Variants in IMMP2L observed in about 807,000 individuals in gnomAD.
IMMP2L encodes mitochondrial inner membrane protease subunit 2.
Under a neutral mutation model 19.3 loss-of-function variants are expected in IMMP2L, and 18 were observed. The ratio of observed to expected loss-of-function variants is 0.93; its 90% CI spans 0.64 to 1.38. The LOEUF (loss-of-function observed/expected upper bound fraction) is 1.38, where lower values mean the gene tolerates loss of function less well. IMMP2L is among the 40% of genes most tolerant of loss of function. IMMP2L has a pLI of 0.00. For missense variants in IMMP2L, 233 were observed against 218.2 expected (o/e 1.07, Z -0.43); for synonymous variants, 76 against 73.0 (o/e 1.04, Z -0.21).
intron 3 of IMMP2L, among the ~76,000 whole-genome samples, chr7:111,053,335 T>C (rs1793171905): frequency 2.6e-5 from 4 of 152,308 alleles, no homozygotes; most frequent in African/African-American, 9.6e-5. Flanking sequence ...GGGGAGCATG[T>C]GCAGTGTGTT....
At chr7:111,398,390 C>T (rs1833079359) in intron 3 of IMMP2L, among the ~76,000 whole-genome samples, 1 of 152,032 alleles carries the variant, frequency 6.6e-6, no homozygotes, top group Non-Finnish European at 1.5e-5. Flanking sequence ...ATGATCATCT[C>T]AGTAGGTAAG....
intron 2 of IMMP2L, among the ~76,000 whole-genome samples, chr7:111,504,949 A>C (rs1844722425): frequency 6.6e-6 from 1 of 152,080 alleles, no homozygotes; most frequent in Non-Finnish European, 1.5e-5. Flanking sequence ...AAGCAATGGC[A>C]ACAAAAGCCA....
chr7:111,276,080 G>A (rs150924641), intron 3 of IMMP2L, among the ~76,000 whole-genome samples: 15 of 152,050 alleles, frequency 9.9e-5, no homozygotes, highest in African/African-American at 3.6e-4. Context: ...TCAGCTGTGG[G>A]TTTGTCTTAT....
chr7:111,118,955 A>AT (rs1800240735), intron 3 of IMMP2L, among the ~76,000 whole-genome samples: 1 of 152,306 alleles, frequency 6.6e-6, no homozygotes, highest in Non-Finnish European at 1.5e-5. Flanking sequence ...AAATGATGAA[A>AT]TAAGAAAACA....
intron 3 of IMMP2L, among the ~76,000 whole-genome samples, chr7:111,005,173 A>T (rs575393339): frequency 6.6e-6 from 1 of 152,284 alleles, no homozygotes; most frequent in Admixed American, 6.5e-5. Context: ...GGTTTCCAAG[A>T]TGGTGGTTCG....
At chr7:111,135,545 C>T (rs575462578) in intron 3 of IMMP2L, among the ~76,000 whole-genome samples, 23 of 152,222 alleles carry the variant, frequency 1.5e-4, no homozygotes, top group Non-Finnish European at 2.4e-4. Flanking sequence ...ACTCTGGCTT[C>T]AGAAAATAAT....
At chr7:111,120,162 T>C (rs539717160) in intron 3 of IMMP2L, among the ~76,000 whole-genome samples, 2 of 152,310 alleles carry the variant, frequency 1.3e-5, no homozygotes, top group East Asian at 1.9e-4. Flanking sequence ...GACACTGGTA[T>C]AGATTTAAAA....
In IMMP2L at chr7:111,399,303, A is replaced by C. The variant is rs753234309; in HGVS notation, c.239+87935T>G. Among the ~76,000 whole-genome samples the C allele has an allele frequency of 2.6e-5, 4 of 152,160 alleles. 1 individual carries two copies. Among genetic ancestry groups the C allele is most frequent in the Admixed American group, 1.3e-4 (2 of 15,268 alleles). On this transcript the variant is annotated intron_variant, in intron 3 of 5. Coordinates refer to ENST00000405709, the MANE Select transcript of IMMP2L (RefSeq NM_032549.4). ...ATAGGCACATAGACCAATGGAACAC[A>C]ATAGAGAACCCAGAAATAAACCCAA...
chr7:111,172,568 GTGCT>G (rs1806570395), intron 3 of IMMP2L, among the ~76,000 whole-genome samples: 1 of 151,226 alleles, frequency 6.6e-6, no homozygotes, highest in South Asian at 2.1e-4. Flanking sequence ...TCACCCTATC[GTGCT>G]AGGGAACACT....
At chr7:111,276,279 C>T (rs1448318176) in intron 3 of IMMP2L, among the ~76,000 whole-genome samples, 1 of 152,072 alleles carries the variant, frequency 6.6e-6, no homozygotes, top group Non-Finnish European at 1.5e-5. Flanking sequence ...AGCATCCTTG[C>T]ATCCTTGAGA....
intron 5 of IMMP2L, among the ~76,000 whole-genome samples, chr7:110,721,044 G>C (rs1013106489): frequency 1.4e-5 from 2 of 142,808 alleles, no homozygotes; most frequent in African/African-American, 5.3e-5. Flanking sequence ...GTATATGCCT[G>C]TTATACAAAA....
At chr7:111,153,366 G>C (rs1286793324) in intron 3 of IMMP2L, among the ~76,000 whole-genome samples, 1 of 152,068 alleles carries the variant, frequency 6.6e-6, no homozygotes, top group African/African-American at 2.4e-5. Context: ...CATAGAATCA[G>C]AACAGTGCAG....
chr7:110,845,328 T>C (rs781206201), intron 5 of IMMP2L, among the ~76,000 whole-genome samples: 3 of 152,124 alleles, frequency 2.0e-5, no homozygotes, highest in Non-Finnish European at 4.4e-5. Context: ...TTGAGAAGTA[T>C]CAGCTCCATT....
chr7:110,866,796 C>T (rs1338144268), intron 5 of IMMP2L, among the ~76,000 whole-genome samples: 1 of 151,970 alleles, frequency 6.6e-6, no homozygotes, highest in Non-Finnish European at 1.5e-5. Flanking sequence ...GTGGAAGATT[C>T]CAATGTTTCC....
chr7:110,679,856 A>G (rs1453404638), intron 5 of IMMP2L, among the ~76,000 whole-genome samples: 3 of 152,240 alleles, frequency 2.0e-5, no homozygotes, highest in East Asian at 3.8e-4. Context: ...AGTTGCTGTG[A>G]CTAGCACCAT....
intron 1 of IMMP2L, among the ~76,000 whole-genome samples, chr7:111,534,591 G>A (rs1847708398): frequency 6.6e-6 from 1 of 152,026 alleles, no homozygotes; most frequent in South Asian, 2.1e-4. Flanking sequence ...TAGGTATTTA[G>A]TATCTTTATA....
intron 3 of IMMP2L, among the ~76,000 whole-genome samples, chr7:111,252,748 A>T (rs1337841297): frequency 6.6e-6 from 1 of 152,180 alleles, no homozygotes; most frequent in Non-Finnish European, 1.5e-5. Context: ...AATTATGCAA[A>T]CATATCTTTT....
intron 4 of IMMP2L, among the ~76,000 whole-genome samples, chr7:110,938,194 G>T (rs1030855346): frequency 1.3e-5 from 2 of 152,052 alleles, no homozygotes; most frequent in African/African-American, 4.8e-5. Context: ...GGCAGTCAGG[G>T]TTATCAATAA....
intron 5 of IMMP2L, among the ~76,000 whole-genome samples, chr7:110,876,052 A>G (rs1563045433): frequency 6.6e-6 from 1 of 152,322 alleles, no homozygotes; most frequent in East Asian, 1.9e-4. Flanking sequence ...TTTCTTTATG[A>G]AAATATTTTT....
Sources: allele counts gnomAD v4.1 joint callset (sites outside exome capture counted in the v4.1 genomes callset), GRCh38; gene constraint gnomAD v4.1.1; transcripts MANE v1.5; gene names NCBI Gene and HGNC (gene_info 2026-07-23, HGNC 2026-07-21).